The following DNER variants were observed in gnomAD, a reference collection of about 807,000 sequenced individuals.
The protein encoded by DNER is delta/notch like EGF repeat containing.
DNER carries 33 observed loss-of-function variants against 78.2 expected under a neutral mutation model. The ratio of observed to expected loss-of-function variants is 0.42; its 90% CI spans 0.32 to 0.56. The LOEUF (loss-of-function observed/expected upper bound fraction) is 0.56, where lower values mean the gene tolerates loss of function less well. DNER is among the 20% of genes least tolerant of loss of function. DNER has a pLI of 0.11. For missense variants in DNER, 918 were observed against 975.3 expected (o/e 0.94, Z 0.78); for synonymous variants, 417 against 384.8 (o/e 1.08, Z -0.98).
chr2:229,707,713 G>A (rs1387054194), intron 1 of DNER, among the ~76,000 whole-genome samples: 4 of 152,222 alleles, frequency 2.6e-5, no homozygotes, highest in Non-Finnish European at 5.9e-5. Context: ...AGATGCACAT[G>A]GTGATTATTG....
chr2:229,616,322 G>A (rs1356575657), intron 1 of DNER, among the ~76,000 whole-genome samples: 4 of 151,858 alleles, frequency 2.6e-5, no homozygotes, highest in Middle Eastern at 3.2e-3. Flanking sequence ...TGTGACTTTG[G>A]GCCTTCACTT....
At chr2:229,564,576 A>G (rs1328321379) in intron 4 of DNER, among the ~76,000 whole-genome samples, 2 of 137,332 alleles carry the variant, frequency 1.5e-5, no homozygotes, top group African/African-American at 5.7e-5. Context: ...CATCAACATC[A>G]TCACCCCATC....
At chr2:229,654,115 TC>T (rs1323284328) in intron 1 of DNER, among the ~76,000 whole-genome samples, 1 of 149,038 alleles carries the variant, frequency 6.7e-6, no homozygotes, top group Non-Finnish European at 1.5e-5. Context: ...TATCCCCCAC[TC>T]CCCCCACCCC....
chr2:229,660,134 T>C (rs1304666956), intron 1 of DNER, among the ~76,000 whole-genome samples: 1 of 152,188 alleles, frequency 6.6e-6, no homozygotes, highest in Non-Finnish European at 1.5e-5. Flanking sequence ...GACTGAGAAT[T>C]TTTTTAAGTT....
intron 7 of DNER, among the ~76,000 whole-genome samples, chr2:229,461,247 C>A (rs916440051): frequency 6.6e-6 from 1 of 152,064 alleles, no homozygotes; most frequent in Non-Finnish European, 1.5e-5. Context: ...AATTCAATCT[C>A]CAGACCTAGG....
At chr2:229,548,446 C>T (rs1696665329) in intron 4 of DNER, among the ~76,000 whole-genome samples, 2 of 152,136 alleles carry the variant, frequency 1.3e-5, no homozygotes, top group Non-Finnish European at 2.9e-5. Flanking sequence ...TTTGCAGGGA[C>T]ATGGATGAAG....
chr2:229,484,438 T>A (rs1446079295), intron 6 of DNER, among the ~76,000 whole-genome samples: 1 of 152,182 alleles, frequency 6.6e-6, no homozygotes, highest in African/African-American at 2.4e-5. Flanking sequence ...ATGCTACCCC[T>A]CTTCTGAACT....
At chr2:229,651,069 C>T (rs770654405) in intron 1 of DNER, among the ~76,000 whole-genome samples, 53 of 152,148 alleles carry the variant, frequency 3.5e-4, no homozygotes, top group Non-Finnish European at 6.0e-4. Flanking sequence ...CATTCAGCCT[C>T]GCTCTAATTC....
At chr2:229,442,357 T>C (rs1694252485) in intron 8 of DNER, among the ~76,000 whole-genome samples, 1 of 151,916 alleles carries the variant, frequency 6.6e-6, no homozygotes, top group African/African-American at 2.4e-5. Flanking sequence ...TTACTAAAAA[T>C]ACAAAAAATT....
At chr2:229,411,459 A>T (rs764725732) in intron 9 of DNER, among the ~76,000 whole-genome samples, 1 of 152,148 alleles carries the variant, frequency 6.6e-6, no homozygotes, top group Non-Finnish European at 1.5e-5. Flanking sequence ...CAGGAGGCCG[A>T]GACAGGAGGA....
At chr2:229,574,357 G>A (rs58430280) in intron 4 of DNER, among the ~76,000 whole-genome samples, 22,051 of 152,008 alleles carry the variant, frequency 0.15, 2,149 homozygotes, top group African/African-American at 0.26. Context: ...ATTGTGTAAC[G>A]ATAGCCTATT....
chr2:229,437,651 AT>A lies in DNER; in HGVS notation c.1486+9664del, dbSNP rs1382377673. Reference sequence around the variant, plus strand: ...GAGTTTCCAATCCTCCATGATTGACATTGACGGCAAATCATTTCCACTAAGC... The same window carrying A: ...GAGTTTCCAATCCTCCATGATTGACATGACGGCAAATCATTTCCACTAAGC... On this transcript the variant is annotated intron_variant, in intron 8 of 12. Coordinates refer to ENST00000341772, the MANE Select transcript of DNER (RefSeq NM_139072.4). 2.6e-5 allele frequency among the ~76,000 whole-genome samples: 4 copies of A among 152,218 alleles called. No homozygotes were observed. The East Asian group carries it at 7.7e-4, about 29-fold the overall frequency.
intron 8 of DNER, among the ~76,000 whole-genome samples, chr2:229,427,721 C>T (rs986101291): frequency 4.6e-5 from 7 of 152,096 alleles, no homozygotes; most frequent in Admixed American, 2.0e-4. Flanking sequence ...AGAGGGACCA[C>T]GGCTTGTGAT....
chr2:229,402,903 A>C (rs887908123), intron 10 of DNER, among the ~76,000 whole-genome samples: 1 of 152,172 alleles, frequency 6.6e-6, no homozygotes, highest in Non-Finnish European at 1.5e-5. Context: ...TATGGAGAGA[A>C]CTGTGTAGAA....
chr2:229,569,477 G>A (rs776799662), intron 4 of DNER, among the ~76,000 whole-genome samples: 38 of 151,998 alleles, frequency 2.5e-4, no homozygotes, highest in African/African-American at 3.6e-4. Context: ...AGCCAAGATC[G>A]AGCCACTGCA....
chr2:229,544,595 C>T (rs181137140), intron 5 of DNER, among the ~76,000 whole-genome samples: 2,849 of 149,830 alleles, frequency 0.019, 49 homozygotes, highest in Non-Finnish European at 0.031. Flanking sequence ...GCCAATGGCA[C>T]AATCTTGGCT....
chr2:229,714,376 C>T lies in DNER; in HGVS notation c.48G>A (p.Ala16=), dbSNP rs1333337734. 1 of 1,214,816 alleles carries T rather than the reference C, an allele frequency of 8.2e-7. No homozygotes were observed. Among genetic ancestry groups the T allele is most frequent in the Non-Finnish European group, 1.0e-6 (1 of 980,052 alleles). 75.3% of individuals were successfully genotyped at this position (1,214,816 alleles called of 1,614,324 possible). The change falls in exon 1 of 13, where the codon GCG becomes GCA. Residue 16 remains alanine, a synonymous_variant. Transcript: ENST00000341772. Reference sequence around the variant, plus strand: ...CGAGCAGCAGCAGCAGCAGGGCCAGCGCGGGCAGCAGCTGCGCACCGGGCG... The same window carrying T: ...CGAGCAGCAGCAGCAGCAGGGCCAGTGCGGGCAGCAGCTGCGCACCGGGCG... The part of the protein sequence containing the change: ...AQAPGAQLLP[A]LALLLLLLGA...
At chr2:229,633,237 T>A (rs1441729088) in intron 1 of DNER, among the ~76,000 whole-genome samples, 1 of 152,210 alleles carries the variant, frequency 6.6e-6, no homozygotes. Context: ...ACGTGGAGTA[T>A]GGCAACTGTT....
At chr2:229,683,882 G>A (rs1699430572) in intron 1 of DNER, among the ~76,000 whole-genome samples, 2 of 151,976 alleles carry the variant, frequency 1.3e-5, no homozygotes, top group Admixed American at 1.3e-4. Flanking sequence ...CAGGGACAAG[G>A]GCAACATTTA....
Sources: allele counts gnomAD v4.1 joint callset (sites outside exome capture counted in the v4.1 genomes callset), GRCh38; gene constraint gnomAD v4.1.1; transcripts MANE v1.5; gene names NCBI Gene and HGNC (gene_info 2026-07-23, HGNC 2026-07-21).